The following PSD3 variants were observed in gnomAD, a reference collection of about 807,000 sequenced individuals.
PSD3 encodes PH and SEC7 domain-containing protein 3.
Under a neutral mutation model 105.5 loss-of-function variants are expected in PSD3, and 49 were observed. The ratio of observed to expected loss-of-function variants is 0.46; its 90% CI spans 0.37 to 0.59. The LOEUF (loss-of-function observed/expected upper bound fraction) is 0.59, where lower values mean the gene tolerates loss of function less well. PSD3 is among the 20% of genes least tolerant of loss of function. PSD3 has a pLI of 0.00. For missense variants in PSD3, 1,561 were observed against 1,263.8 expected, an observed-to-expected ratio of 1.24 and a Z score of -3.57; for synonymous variants, 557 against 457.8, an observed-to-expected ratio of 1.22 and a Z score of -2.77.
At chr8:18,560,944 C>T (rs1325848035) in intron 14 of PSD3, among the ~76,000 whole-genome samples, 1 of 152,098 alleles carries the variant, frequency 6.6e-6, no homozygotes, top group African/African-American at 2.4e-5. Context: ...TAGGTTAGAC[C>T]CTTTTTTGCC....
intron 2 of PSD3, among the ~76,000 whole-genome samples, chr8:18,895,390 T>G (rs1819080440): frequency 1.3e-5 from 2 of 152,136 alleles, no homozygotes; most frequent in Non-Finnish European, 2.9e-5. Context: ...AGTCATCATA[T>G]CTCCCCCTAT....
chr8:18,868,739 A>G (rs1459408779), intron 3 of PSD3, among the ~76,000 whole-genome samples: 2 of 152,252 alleles, frequency 1.3e-5, no homozygotes, highest in Non-Finnish European at 2.9e-5. Flanking sequence ...CACAAACGTG[A>G]ACAATTAATA....
intron 9 of PSD3, among the ~76,000 whole-genome samples, chr8:18,699,436 G>A (rs1201560538): frequency 6.6e-6 from 1 of 152,194 alleles, no homozygotes; most frequent in East Asian, 1.9e-4. Flanking sequence ...CTCAGATGAA[G>A]ACACCTAGTC....
At chr8:19,069,949 CTTT>C (rs5889849) in intron 1 of PSD3, among the ~76,000 whole-genome samples, 32 of 138,962 alleles carry the variant, frequency 2.3e-4, no homozygotes, top group Admixed American at 4.3e-4. Flanking sequence ...TTTCTTTTTT[CTTT>C]TTTTTTTTTT....
At chr8:18,920,570 A>G (rs1052840643) in intron 2 of PSD3, among the ~76,000 whole-genome samples, 1 of 152,272 alleles carries the variant, frequency 6.6e-6, no homozygotes, top group Admixed American at 6.5e-5. Context: ...CTCGATTTAC[A>G]TGGTAGTTAC....
At chr8:18,984,197 A>ATAG (rs1386792615) in intron 1 of PSD3, among the ~76,000 whole-genome samples, 1 of 149,458 alleles carries the variant, frequency 6.7e-6, no homozygotes, top group Non-Finnish European at 1.5e-5. Context: ...AATTAAAATA[A>ATAG]TAATAATAAT....
Position 18,600,357 on chromosome 8 carries a change from C to T in PSD3, c.2481+7G>A. On this transcript the variant is annotated splice_region_variant and intron_variant, in intron 12 of 15. Coordinates refer to ENST00000327040, the MANE Select transcript of PSD3 (RefSeq NM_015310.4). The stretch of plus-strand genomic sequence containing the variant: ...TTTTGTGGATTTTTTATCTGCTTTA[C>T]TTTTACCTTTTGCAAGTAAAGAACT... 6.2e-7 allele frequency: 1 copy of T among 1,607,758 alleles called. No homozygotes were observed.
At chr8:18,667,096 G>C (rs896011061) in intron 9 of PSD3, among the ~76,000 whole-genome samples, 6 of 152,102 alleles carry the variant, frequency 3.9e-5, no homozygotes, top group African/African-American at 1.4e-4. Flanking sequence ...AGCTCATAAA[G>C]GCAGTGTGGA....
chr8:18,773,590 T>C (rs1053528998), intron 8 of PSD3, among the ~76,000 whole-genome samples: 1 of 152,248 alleles, frequency 6.6e-6, no homozygotes, highest in Non-Finnish European at 1.5e-5. Flanking sequence ...AAAAATTAAG[T>C]CTTCCAGTCC....
intron 7 of PSD3, chr8:18,801,065 T>A (rs1003717062): frequency 5.1e-6 from 2 of 393,016 alleles, no homozygotes. Flanking sequence ...ATGCTCACAA[T>A]GAAATAAAAA....
intron 1 of PSD3, among the ~76,000 whole-genome samples, chr8:19,075,760 C>A (rs1464048674): frequency 1.3e-5 from 2 of 152,110 alleles, no homozygotes; most frequent in Non-Finnish European, 2.9e-5. Context: ...GTGTTTCATG[C>A]CGTATGTTTC....
At chr8:18,594,108 G>A (rs1211126145) in intron 12 of PSD3, among the ~76,000 whole-genome samples, 1 of 104,444 alleles carries the variant, frequency 9.6e-6, no homozygotes, top group Non-Finnish European at 1.8e-5. Flanking sequence ...ATGTACCCTA[G>A]AACTTAAAGT....
intron 14 of PSD3, among the ~76,000 whole-genome samples, chr8:18,560,218 AAAC>A (rs553893793): frequency 6.6e-6 from 1 of 151,724 alleles, no homozygotes; most frequent in Non-Finnish European, 1.5e-5. Context: ...ACAAACAAAA[AAAC>A]AACAACAGCA....
At chr8:18,848,020 G>C (rs1203145225) in intron 4 of PSD3, among the ~76,000 whole-genome samples, 1 of 152,032 alleles carries the variant, frequency 6.6e-6, no homozygotes, top group Non-Finnish European at 1.5e-5. Context: ...GCAGGGAAGA[G>C]AAAGAAAAGA....
chr8:19,057,147 T>C (rs535807336), intron 1 of PSD3, among the ~76,000 whole-genome samples: 34 of 152,174 alleles, frequency 2.2e-4, no homozygotes, highest in Non-Finnish European at 4.4e-4. Context: ...CACTGGCATA[T>C]GAACATGTTT....
intron 9 of PSD3, among the ~76,000 whole-genome samples, chr8:18,667,346 A>G (rs1323202839): frequency 2.0e-5 from 3 of 152,018 alleles, no homozygotes; most frequent in African/African-American, 7.3e-5. Context: ...TGATTGGTGT[A>G]TTTACAAACC....
chr8:19,078,313 A>C (rs940168092), intron 1 of PSD3, among the ~76,000 whole-genome samples: 5 of 152,224 alleles, frequency 3.3e-5, no homozygotes, highest in Admixed American at 1.3e-4. Context: ...AATATATTAC[A>C]AAGTCAAAGG....
At chr8:18,811,622 G>A (rs749589968) in intron 4 of PSD3, among the ~76,000 whole-genome samples, 1 of 152,124 alleles carries the variant, frequency 6.6e-6, no homozygotes, top group Non-Finnish European at 1.5e-5. Flanking sequence ...CATGGAGAAG[G>A]CAACATTTGA....
At chr8:18,609,038 A>G (rs1158642175) in intron 11 of PSD3, among the ~76,000 whole-genome samples, 1 of 152,198 alleles carries the variant, frequency 6.6e-6, no homozygotes, top group Non-Finnish European at 1.5e-5. Context: ...TAATATGGAT[A>G]GAAAGTCATA....
Sources: gnomAD v4.1 joint callset for allele counts (sites outside exome capture counted in the v4.1 genomes callset) on GRCh38, gnomAD v4.1.1 for gene constraint, MANE v1.5 for transcripts, NCBI Gene and HGNC (gene_info 2026-07-23, HGNC 2026-07-21) for gene names.